MID1: variants seen among roughly 807,000 people sequenced by gnomAD.
MID1 encodes the protein midline 1, also known as E3 ubiquitin-protein ligase Midline-1.
Under a neutral mutation model 40.4 loss-of-function variants are expected in MID1, and 7 were observed. The ratio of observed to expected loss-of-function variants is 0.17; its 90% CI spans 0.10 to 0.33. The LOEUF is 0.33. Ranked by LOEUF, MID1 falls within the 10% of genes least tolerant of loss-of-function variation. The pLI is 1.00. For synonymous variants in MID1, 229 were observed against 221.2 expected (o/e 1.04, Z -0.31); for missense variants, 367 against 558.5 (o/e 0.66, Z 3.46).
At chrX:10,641,029 A>G (rs1936187359) in intron 1 of MID1, among the ~76,000 whole-genome samples, 1 of 112,125 alleles carries the variant, frequency 8.9e-6, no homozygotes, top group Non-Finnish European at 1.9e-5. Flanking sequence ...GTAGAGGGAA[A>G]TTTATAGCAC....
At chrX:10,637,282 T>C (rs1936129370) in intron 1 of MID1, among the ~76,000 whole-genome samples, 1 of 110,253 alleles carries the variant, frequency 9.1e-6, no homozygotes, top group Non-Finnish European at 1.9e-5. Flanking sequence ...AAACACATAT[T>C]TTAAATTGGT....
intron 1 of MID1, among the ~76,000 whole-genome samples, chrX:10,829,557 A>C (rs2044239349): frequency 8.9e-6 from 1 of 112,142 alleles, no homozygotes; most frequent in Non-Finnish European, 1.9e-5. Flanking sequence ...TGACATTAAT[A>C]TTTATAGTAA....
chrX:10,669,124 C>A (rs189769072), intron 1 of MID1, among the ~76,000 whole-genome samples: 1 of 103,271 alleles, frequency 9.7e-6, no homozygotes, highest in East Asian at 3.0e-4. Context: ...GAGGCTGAGG[C>A]AGGAGAATGG....
Position 10,647,105 on chromosome X carries a change from G to T in MID1, c.-186-26686C>A, listed in dbSNP as rs1936269739. On this transcript the variant is annotated intron_variant, in intron 1 of 10. Transcript: ENST00000380785. ...GGTGAATTAGGGTATATATGGCATT[G>T]CTCCATCTCACCCACACCTCTCAAG... Among the ~76,000 whole-genome samples, 3 of 111,292 alleles carry T rather than the reference G, an allele frequency of 2.7e-5. No homozygotes were observed. The Admixed American group carries it at 2.9e-4, about 11-fold the overall frequency.
At chrX:10,723,706 C>T (rs1255583794) in intron 1 of MID1, among the ~76,000 whole-genome samples, 1 of 112,354 alleles carries the variant, frequency 8.9e-6, no homozygotes, top group African/African-American at 3.2e-5. Flanking sequence ...CGCCCGCCAC[C>T]GCGCCCGGCT....
chrX:10,751,299 A>G (rs1421643403), intron 1 of MID1, among the ~76,000 whole-genome samples: 1 of 110,105 alleles, frequency 9.1e-6, no homozygotes, highest in Non-Finnish European at 1.9e-5. Context: ...AGAAAATTAT[A>G]AAAAATATCA....
At chrX:10,578,701 T>C (rs60380243) in intron 1 of MID1, among the ~76,000 whole-genome samples, 1 of 112,036 alleles carries the variant, frequency 8.9e-6, no homozygotes, top group East Asian at 2.8e-4. Context: ...AAGGCAATGA[T>C]AGCAGACTGG....
chrX:10,623,319 AAGG>A (rs1315550487), upstream of MID1, among the ~76,000 whole-genome samples: 3 of 107,579 alleles, frequency 2.8e-5, no homozygotes, highest in African/African-American at 1.0e-4. Flanking sequence ...GGAAGGAAGG[AAGG>A]AAGGAAGGAA....
At chrX:10,611,582 CTA>C (rs1302037031) in intron 1 of MID1, among the ~76,000 whole-genome samples, 2 of 111,185 alleles carry the variant, frequency 1.8e-5, no homozygotes, top group Non-Finnish European at 3.8e-5. Flanking sequence ...GAAAAAAAGA[CTA>C]ATTCTGATCA....
chrX:10,610,784 A>G lies in MID1; in HGVS notation c.-57+9506T>C, dbSNP rs1213639105. Among the ~76,000 whole-genome samples, 3 of 111,844 alleles carry G rather than the reference A, an allele frequency of 2.7e-5. No individual in the cohort carries two copies. In the Admixed American group the frequency reaches 2.8e-4, roughly 11 times the overall value. ...TCAGGATCCTAGTATTCAAATTAGCATAAGGATCAGACATGGAATATAATC... is the reference window on the plus strand; with the variant it reads ...TCAGGATCCTAGTATTCAAATTAGCGTAAGGATCAGACATGGAATATAATC... On this transcript the variant is annotated intron_variant, in intron 1 of 9. Coordinates refer to ENST00000317552, the MANE Select transcript of MID1 (RefSeq NM_000381.4).
chrX:10,736,023 T>A (rs1363501083), intron 1 of MID1, among the ~76,000 whole-genome samples: 1 of 112,670 alleles, frequency 8.9e-6, no homozygotes, highest in African/African-American at 3.2e-5. Context: ...TATTGTATAT[T>A]AATTCAAATC....
intron 1 of MID1, among the ~76,000 whole-genome samples, chrX:10,706,953 C>T (rs970265911): frequency 9.0e-6 from 1 of 111,632 alleles, no homozygotes; most frequent in Admixed American, 9.6e-5. Context: ...GACATAGTGA[C>T]TCATAATTGG....
In MID1 at chrX:10,509,711, C is replaced by T. The variant is rs1932019059; in HGVS notation, c.756+13381G>A. 1.8e-5 allele frequency among the ~76,000 whole-genome samples: 2 copies of T among 112,086 alleles called. 1 individual carries two copies. The highest frequency in any genetic ancestry group is 6.5e-5 in the African/African-American group (2 of 30,816). On this transcript the variant is annotated intron_variant, in intron 3 of 9. Coordinates refer to ENST00000317552, the MANE Select transcript of MID1 (RefSeq NM_000381.4). ...TGTCATAAAAACACAGTGCTGTGTA[C>T]AGTCTTCTCAAGAAGGGTCCTTTCT... is the stretch of plus-strand genomic sequence containing the variant.
At chrX:10,777,213 T>C (rs761317374) in intron 1 of MID1, among the ~76,000 whole-genome samples, 4 of 111,675 alleles carry the variant, frequency 3.6e-5, no homozygotes, top group African/African-American at 1.3e-4. Context: ...ATTTATTTAT[T>C]TTTTTTGAGA....
intron 2 of MID1, among the ~76,000 whole-genome samples, chrX:10,552,817 T>C (rs1215904716): frequency 8.9e-6 from 1 of 111,976 alleles, no homozygotes; most frequent in African/African-American, 3.2e-5. Flanking sequence ...ATGGAGTTAT[T>C]ACTGAATTAT....
intron 2 of MID1, among the ~76,000 whole-genome samples, chrX:10,557,358 A>G (rs1934163466): frequency 8.9e-6 from 1 of 111,861 alleles, no homozygotes. Context: ...ATTACCGTAA[A>G]ATCATTGTGT....
At chrX:10,734,196 A>C (rs2043471788) in intron 1 of MID1, among the ~76,000 whole-genome samples, 1 of 112,432 alleles carries the variant, frequency 8.9e-6, no homozygotes, top group Non-Finnish European at 1.9e-5. Context: ...ACCATGGAAT[A>C]CTATGCAGGT....
intron 3 of MID1, among the ~76,000 whole-genome samples, chrX:10,514,340 T>C (rs1232500967): frequency 8.9e-6 from 1 of 112,387 alleles, no homozygotes; most frequent in African/African-American, 3.2e-5. Flanking sequence ...CTTATATTCA[T>C]TTATTCATAA....
Position 10,781,984 on chromosome X carries a change from C to T in MID1, c.-187+51570G>A, listed in dbSNP as rs57523495. Among the ~76,000 whole-genome samples the T allele has an allele frequency of 6.5e-3, 724 of 111,901 alleles. 5 individuals are homozygous for T. Among genetic ancestry groups the T allele is most frequent in the African/African-American group, 0.022 (680 of 30,823 alleles). On this transcript the variant is annotated intron_variant, in intron 1 of 10. Coordinates refer to the MID1 transcript ENST00000380785. Reference sequence around the variant, plus strand: ...ATCTGTGTATGAGTCACTCACCCATCAGGATGCTTTTTTGTGTGTGGAACA... The same window carrying T: ...ATCTGTGTATGAGTCACTCACCCATTAGGATGCTTTTTTGTGTGTGGAACA...
Sources: allele counts gnomAD v4.1 joint callset (sites outside exome capture counted in the v4.1 genomes callset), GRCh38; gene constraint gnomAD v4.1.1; transcripts MANE v1.5; gene names NCBI Gene and HGNC (gene_info 2026-07-23, HGNC 2026-07-21).